ADGRV1: variants seen among roughly 807,000 people sequenced by gnomAD.
ADGRV1 encodes G-protein coupled receptor 98.
In ADGRV1, 359 loss-of-function variants were observed where a neutral mutation model predicts 596.2. That is an observed-to-expected ratio of 0.60 (90% CI 0.55 to 0.66). The LOEUF (loss-of-function observed/expected upper bound fraction) is 0.66, where lower values mean the gene tolerates loss of function less well. Among genes scored for constraint, ADGRV1 ranks in the 30% least tolerant of loss-of-function variants. ADGRV1 has a pLI of 0.00. For missense variants in ADGRV1, 7,274 were observed against 7,575.6 expected (o/e 0.96, Z 1.48); for synonymous variants, 2,681 against 2,679.2 (o/e 1.00, Z -0.02).
Position 90,614,947 on chromosome 5 carries a change from A to G in ADGRV1, c.135A>G (p.Glu45=), listed in dbSNP as rs1319998819. The change falls in exon 2 of 90, where the codon GAA becomes GAG. Residue 45 remains glutamate (E), a synonymous_variant. Transcript: ENST00000405460. Reference sequence around the variant, plus strand: ...GACAAACTGAATTTGTTGTTAATGAAACAAGTACAACAGTTATTCGTCTTA... The same window carrying G: ...GACAAACTGAATTTGTTGTTAATGAGACAAGTACAACAGTTATTCGTCTTA... The part of the protein sequence containing the change: ...FTGQTEFVVN[E]TSTTVIRLII... 1.9e-6 allele frequency: 3 copies of G among 1,592,242 alleles called. No homozygotes were observed. In the African/African-American group the frequency reaches 4.0e-5, roughly 21 times the overall value.
chr5:90,783,709 C>T lies in ADGRV1; in HGVS notation c.13434-129C>T, dbSNP rs1759109691. ...CATTCTTTTAGCTAAGCACCCACTT[C>T]TTACCACTTGATGTGTGACTACTGT... is the stretch of plus-strand genomic sequence containing the variant. On this transcript the variant is annotated intron_variant, in intron 66 of 89. Coordinates refer to ENST00000405460, the MANE Select transcript of ADGRV1 (RefSeq NM_032119.4). 7.6e-6 allele frequency: 5 copies of T among 661,598 alleles called. No homozygotes were observed. In the Admixed American group the frequency reaches 1.2e-4, roughly 15 times the overall value. 41.0% of individuals were successfully genotyped at this position (661,598 alleles called of 1,614,324 possible). A position where few individuals can be genotyped will look rare whatever the true frequency, so the allele number is the denominator to read the frequency against.
At chr5:91,136,443 G>A in intron 87 of ADGRV1, among the ~76,000 whole-genome samples, 1 of 152,144 alleles carries the variant, frequency 6.6e-6, no homozygotes, top group Non-Finnish European at 1.5e-5. Flanking sequence ...ATCCTGCTTG[G>A]CCTTGTAATG....
intron 1 of ADGRV1, among the ~76,000 whole-genome samples, chr5:90,578,462 C>T (rs888151273): frequency 1.2e-4 from 19 of 152,060 alleles, no homozygotes; most frequent in Admixed American, 7.2e-4. Flanking sequence ...GGGATGAAGC[C>T]GACTTGATTG....
At chr5:90,995,763 C>G (rs1297111125) in intron 85 of ADGRV1, among the ~76,000 whole-genome samples, 3 of 152,112 alleles carry the variant, frequency 2.0e-5, no homozygotes, top group Non-Finnish European at 2.9e-5. Flanking sequence ...CAATGAAGTC[C>G]AGGCTGAGGT....
At chr5:90,930,529 A>G (rs895583271) in intron 83 of ADGRV1, among the ~76,000 whole-genome samples, 1 of 152,206 alleles carries the variant, frequency 6.6e-6, no homozygotes, top group African/African-American at 2.4e-5. Flanking sequence ...TGTCAATGAA[A>G]CAGTATCATT....
intron 50 of ADGRV1, among the ~76,000 whole-genome samples, chr5:90,741,065 T>C (rs1421577366): frequency 6.6e-6 from 1 of 152,220 alleles, no homozygotes; most frequent in Non-Finnish European, 1.5e-5. Context: ...TCCACCATCT[T>C]GCTGATGTCA....
At chr5:91,140,608 G>A (rs1795018140) in intron 87 of ADGRV1, among the ~76,000 whole-genome samples, 1 of 151,802 alleles carries the variant, frequency 6.6e-6, no homozygotes, top group South Asian at 2.1e-4. Context: ...ATATTATTAA[G>A]TCCCACCTCA....
intron 85 of ADGRV1, among the ~76,000 whole-genome samples, chr5:90,993,437 GT>G (rs1013152379): frequency 6.6e-6 from 1 of 152,058 alleles, no homozygotes; most frequent in Admixed American, 6.6e-5. Flanking sequence ...CATTACAGGC[GT>G]GAGCCACCAT....
chr5:91,110,131 T>TA (rs747604090), intron 87 of ADGRV1, among the ~76,000 whole-genome samples: 9 of 152,140 alleles, frequency 5.9e-5, no homozygotes, highest in Admixed American at 1.3e-4. Flanking sequence ...ACCTCTATTT[T>TA]AAAAAAATTG....
intron 86 of ADGRV1, 140 bp from the exon 87 acceptor site, chr5:91,102,079 C>A: frequency 1.3e-6 from 1 of 745,634 alleles, no homozygotes; most frequent in Non-Finnish European, 2.1e-6. Flanking sequence ...CTTCTCCCCT[C>A]TGGCATAAGA....
intron 45 of ADGRV1, 98 bp downstream of exon 45, chr5:90,721,157 T>C: frequency 4.8e-6 from 5 of 1,034,874 alleles, no homozygotes; most frequent in Non-Finnish European, 6.9e-6. Context: ...TTATTGATCA[T>C]TTGAAAATGG....
intron 85 of ADGRV1, among the ~76,000 whole-genome samples, chr5:91,052,476 G>A (rs1581907608): frequency 6.7e-6 from 1 of 150,324 alleles, no homozygotes; most frequent in Admixed American, 6.6e-5. Context: ...CTGTCGCCCA[G>A]GCTGGAGTGC....
intron 85 of ADGRV1, among the ~76,000 whole-genome samples, chr5:91,056,207 C>G (rs929678010): frequency 1.3e-5 from 2 of 152,166 alleles, no homozygotes; most frequent in Non-Finnish European, 2.9e-5. Context: ...ATGCCAGCTG[C>G]AGCGTTGCAG....
Position 90,789,797 on chromosome 5 carries a change from C to A in ADGRV1, c.13989C>A (p.Pro4663=). 1.3e-6 allele frequency: 2 copies of A among 1,525,530 alleles called. No homozygotes were observed. Among genetic ancestry groups the A allele is most frequent in the Non-Finnish European group, 8.8e-7 (1 of 1,133,020 alleles). The allele number at this position is 1,525,530 out of a possible 1,614,324, so 94.5% of individuals were successfully genotyped here. The change falls in exon 69 of 90, where the codon CCC becomes CCA. Residue 4663 remains proline, a synonymous_variant. Transcript: ENST00000405460. ...TYSEPLALEG[P]LLITFFVRRV... is the part of the protein sequence containing the mutation. Reference sequence around the variant, plus strand: ...CAGAGCCTCTGGCTCTGGAAGGGCCCCTGCTCATTACCTTCTTTGTCAGAA... The same window carrying A: ...CAGAGCCTCTGGCTCTGGAAGGGCCACTGCTCATTACCTTCTTTGTCAGAA...
At position 90,826,049 on chromosome 5, in the gene ADGRV1, G is replaced by A. The variant is rs796587184; in HGVS notation, c.16368+2453G>A. Among the ~76,000 whole-genome samples the A allele has an allele frequency of 2.2e-4, 33 of 152,240 alleles. 1 individual carries two copies. The South Asian group carries it at 6.8e-3, about 32-fold the overall frequency. ...GTTTCATTAAGAGGAAATTTAAAAA[G>A]AGAGAAGATGGAAGATGATTATTTT... is the stretch of plus-strand genomic sequence containing the variant. On this transcript the variant is annotated intron_variant, in intron 76 of 89. Transcript: ENST00000405460.
chr5:90,625,163 T>G lies in ADGRV1; in HGVS notation c.592T>G (p.Leu198Val), dbSNP rs747403211. The change falls in exon 6 of 90, where the codon TTG becomes GTG. Residue 198 changes from leucine (L) to valine (V), a missense_variant. Coordinates refer to ENST00000405460, the MANE Select transcript of ADGRV1 (RefSeq NM_032119.4). ...TGGCCCAAATCCCCCTGATGAAGAT[T>G]TGAGTCCAGTTAAAGGAAATATCAC... ...EGGPNPPDEDLSPVKGNITFP... is the reference protein window; with the variant it reads ...EGGPNPPDEDVSPVKGNITFP... The G allele has an allele frequency of 1.9e-6, 3 of 1,613,218 alleles. No homozygotes were observed. Among genetic ancestry groups the G allele is most frequent in the Non-Finnish European group, 2.5e-6 (3 of 1,179,532 alleles).
In ADGRV1 at chr5:90,628,642, C is replaced by T. The variant is rs1407786289; in HGVS notation, c.1319C>T (p.Thr440Ile). 1.2e-6 allele frequency: 2 copies of T among 1,613,858 alleles called. No homozygotes were observed. Among genetic ancestry groups the T allele is most frequent in the Non-Finnish European group, 1.7e-6 (2 of 1,179,838 alleles). The change falls in exon 8 of 90, where the codon ACT (threonine) becomes ATT (isoleucine). Residue 440 changes from threonine to isoleucine, a missense_variant. Transcript: ENST00000405460. ...SANWVLTRNS[T>I]DPSPVTADIR... ...AATTGGGTGTTGACACGGAACAGCA[C>T]TGATCCCTCACCAGTAACAGCAGAT... is the stretch of plus-strand genomic sequence containing the variant.
chr5:90,974,790 G>A (rs1311311122), intron 84 of ADGRV1, among the ~76,000 whole-genome samples: 3 of 152,150 alleles, frequency 2.0e-5, no homozygotes, highest in African/African-American at 7.2e-5. Flanking sequence ...ATAAGTATGG[G>A]CAAGGACTTC....
chr5:90,634,357 T>C (rs1222887672), intron 9 of ADGRV1, among the ~76,000 whole-genome samples: 1 of 152,088 alleles, frequency 6.6e-6, no homozygotes, highest in Non-Finnish European at 1.5e-5. Context: ...ATTGGGAAAA[T>C]GCTGAAAAGG....
Sources: allele counts gnomAD v4.1 joint callset (sites outside exome capture counted in the v4.1 genomes callset), GRCh38; gene constraint gnomAD v4.1.1; transcripts MANE v1.5; gene names NCBI Gene and HGNC (gene_info 2026-07-23, HGNC 2026-07-21).